The following ROBO2 variants were observed in gnomAD, a reference collection of about 807,000 sequenced individuals.
The protein encoded by ROBO2 is roundabout guidance receptor 2.
In ROBO2, 53 loss-of-function variants were observed where a neutral mutation model predicts 160.8. That is an observed-to-expected ratio of 0.33 (90% CI 0.26 to 0.41). The LOEUF (loss-of-function observed/expected upper bound fraction) is 0.41, where lower values mean the gene tolerates loss of function less well. ROBO2 is among the 10% of genes least tolerant of loss of function. The pLI is 1.00. For synonymous variants in ROBO2, 664 were observed against 611.7 expected, an observed-to-expected ratio of 1.09 and a Z score of -1.26; for missense variants, 1,577 against 1,722.4, an observed-to-expected ratio of 0.92 and a Z score of 1.49.
Position 76,780,027 on chromosome 3 carries a change from G to C in ROBO2, c.110-317987G>C, listed in dbSNP as rs187531632. 1.1e-4 allele frequency among the ~76,000 whole-genome samples: 16 copies of C among 150,902 alleles called. No individual in the cohort carries two copies. The East Asian group carries it at 2.9e-3, about 28-fold the overall frequency. ...TTTGTTCCCACCAACAGTGTACAGAGGATTCCTTTTCTTCATATTCTCATC... is the reference window on the plus strand; with the variant it reads ...TTTGTTCCCACCAACAGTGTACAGACGATTCCTTTTCTTCATATTCTCATC... On this transcript the variant is annotated intron_variant, in intron 2 of 26. Transcript: ENST00000487694.
rs182629678 is a variant in ROBO2, at chr3:77,624,401, G to A, written c.3760+1969G>A. ...GGGTGCTTGTGTAGGGAGTGAGTACGTGTATAAATGTGTGAGAGTGTAGAT... is the reference window on the plus strand; with the variant it reads ...GGGTGCTTGTGTAGGGAGTGAGTACATGTATAAATGTGTGAGAGTGTAGAT... On this transcript the variant is annotated intron_variant, in intron 23 of 25. Transcript: ENST00000461745. Among the ~76,000 whole-genome samples, 43 of 152,098 alleles carry A rather than the reference G, an allele frequency of 2.8e-4. No individual in the cohort carries two copies. In the East Asian group the frequency reaches 2.9e-3, roughly 10 times the overall value.
intron 2 of ROBO2, among the ~76,000 whole-genome samples, chr3:76,812,197 A>C (rs1006325117): frequency 6.6e-6 from 1 of 151,792 alleles, no homozygotes; most frequent in East Asian, 1.9e-4. Flanking sequence ...AGGGAGCTGG[A>C]TACAATTCCA....
At chr3:76,527,161 GA>G (rs1375887750) in intron 2 of ROBO2, among the ~76,000 whole-genome samples, 7 of 150,968 alleles carry the variant, frequency 4.6e-5, no homozygotes, top group Non-Finnish European at 5.9e-5. Context: ...ACATTTTGGA[GA>G]AAAAAAAGGC....
chr3:77,014,962 A>C (rs928824800), intron 2 of ROBO2, among the ~76,000 whole-genome samples: 10 of 152,310 alleles, frequency 6.6e-5, no homozygotes, highest in African/African-American at 2.4e-4. Flanking sequence ...CTATCTAATG[A>C]ATTCTAATGA....
intron 2 of ROBO2, among the ~76,000 whole-genome samples, chr3:76,060,538 A>G (rs934350726): frequency 1.3e-5 from 2 of 152,230 alleles, no homozygotes; most frequent in Non-Finnish European, 2.9e-5. Flanking sequence ...ATTGGCTTCC[A>G]CAAAAGGTGG....
intron 2 of ROBO2, among the ~76,000 whole-genome samples, chr3:76,326,602 CTTTTATTTA>C (rs2073046609): frequency 6.6e-6 from 1 of 150,858 alleles, no homozygotes; most frequent in Admixed American, 6.6e-5. Context: ...GAATTATTAT[CTTTTATTTA>C]TTTATTTATT....
At chr3:76,144,774 G>A (rs1224642704) in intron 2 of ROBO2, among the ~76,000 whole-genome samples, 1 of 151,946 alleles carries the variant, frequency 6.6e-6, no homozygotes, top group African/African-American at 2.4e-5. Flanking sequence ...GGGTCCTGGG[G>A]CTTTCCTAAA....
At chr3:77,597,344 T>C (rs376342793) in intron 19 of ROBO2, among the ~76,000 whole-genome samples, 1 of 151,540 alleles carries the variant, frequency 6.6e-6, no homozygotes, top group East Asian at 2.0e-4. Flanking sequence ...AAAAAAGTGC[T>C]AAGTAGCCAC....
intron 5 of ROBO2, among the ~76,000 whole-genome samples, chr3:77,497,696 A>T (rs1269653390): frequency 6.6e-6 from 1 of 152,124 alleles, no homozygotes; most frequent in East Asian, 1.9e-4. Flanking sequence ...CCTTCAATAC[A>T]TCTTTTCACA....
chr3:77,251,131 A>G (rs539106852), intron 2 of ROBO2, among the ~76,000 whole-genome samples: 1 of 152,224 alleles, frequency 6.6e-6, no homozygotes, highest in South Asian at 2.1e-4. Flanking sequence ...CTCTGTGATG[A>G]ACCCACCCCT....
chr3:77,371,239 A>G (rs2071706970), intron 2 of ROBO2, among the ~76,000 whole-genome samples: 1 of 152,220 alleles, frequency 6.6e-6, no homozygotes, highest in African/African-American at 2.4e-5. Flanking sequence ...GTCATCTCAA[A>G]ACATAATTAT....
intron 2 of ROBO2, among the ~76,000 whole-genome samples, chr3:76,740,126 C>T (rs1008255126): frequency 1.3e-5 from 2 of 152,014 alleles, no homozygotes; most frequent in Admixed American, 6.6e-5. Flanking sequence ...GACTTGAAGT[C>T]AATTTGCTTA....
intron 1 of ROBO2, among the ~76,000 whole-genome samples, chr3:77,078,950 T>C (rs367574236): frequency 6.6e-6 from 1 of 152,114 alleles, no homozygotes; most frequent in Non-Finnish European, 1.5e-5. Flanking sequence ...TATTGATTGA[T>C]TGATTGATTG....
At chr3:76,634,209 C>T (rs965494510) in intron 2 of ROBO2, among the ~76,000 whole-genome samples, 2 of 152,208 alleles carry the variant, frequency 1.3e-5, no homozygotes, top group African/African-American at 4.8e-5. Context: ...TGTGTCCTCA[C>T]ATGGTCTTCC....
chr3:77,355,638 A>G (rs114736514), intron 2 of ROBO2, among the ~76,000 whole-genome samples: 3,469 of 152,276 alleles, frequency 0.023, 163 homozygotes, highest in African/African-American at 0.078. Flanking sequence ...AGGAAAAATA[A>G]TTTCAAAACA....
At chr3:76,760,803 A>C (rs1235298314) in intron 2 of ROBO2, among the ~76,000 whole-genome samples, 1 of 151,786 alleles carries the variant, frequency 6.6e-6, no homozygotes, top group African/African-American at 2.4e-5. Context: ...TTGGATAGTC[A>C]ATTCAATTTT....
chr3:76,266,452 C>T (rs756664324), intron 2 of ROBO2, among the ~76,000 whole-genome samples: 5 of 152,056 alleles, frequency 3.3e-5, no homozygotes, highest in African/African-American at 7.2e-5. Context: ...AGTATCTGCC[C>T]TTTCATAAAA....
Position 77,580,212 on chromosome 3 carries a change from C to T in ROBO2, c.2500+94C>T, listed in dbSNP as rs116281630. ...TCAACCTACTAATAGTGAATATACA[C>T]TTATGAATGATAGGGTACACATATC... On this transcript the variant is annotated intron_variant, in intron 16 of 25. Transcript: ENST00000461745. 2.3e-3 allele frequency: 2,556 copies of T among 1,124,824 alleles called. 50 individuals carry two copies. The African/African-American group carries it at 0.034, about 15-fold the overall frequency. The allele number at this position is 1,124,824 out of a possible 1,614,324, so 69.7% of individuals were successfully genotyped here.
At chr3:76,265,736 G>A (rs775475762) in intron 2 of ROBO2, among the ~76,000 whole-genome samples, 3 of 152,148 alleles carry the variant, frequency 2.0e-5, no homozygotes, top group African/African-American at 7.2e-5. Flanking sequence ...GGAAAGAAGG[G>A]TCAGAACCAG....
Sources: allele counts gnomAD v4.1 joint callset (sites outside exome capture counted in the v4.1 genomes callset), GRCh38; gene constraint gnomAD v4.1.1; transcripts MANE v1.5; gene names NCBI Gene and HGNC (gene_info 2026-07-23, HGNC 2026-07-21).